SYNE3: variants seen among roughly 807,000 people sequenced by gnomAD.
SYNE3 encodes nesprin-3.
A neutral mutation model predicts 111.2 loss-of-function variants in SYNE3; 100 were observed. The observed-to-expected ratio is 0.90, with a 90% CI of 0.77 to 1.06. SYNE3 has a LOEUF of 1.06. SYNE3 is among the 50% of genes least tolerant of loss of function. The probability of loss-of-function intolerance (pLI) is 0.00; values close to 1 mark genes in which losing one functional copy is unlikely to be tolerated. For missense variants in SYNE3, 1,160 were observed against 1,240.3 expected (o/e 0.94, Z 0.97); for synonymous variants, 547 against 533.9 (o/e 1.02, Z -0.34).
In SYNE3 at chr14:95,500,602, C is replaced by T. The variant is rs1318923302; in HGVS notation, c.-15+15994G>A. ...TCCGGGGCTGAGCTCCCCATCAGAC[C>T]CAGAGAACAATGCCCCACTGTTGTG... On this transcript the variant is annotated intron_variant, in intron 1 of 17. Transcript: ENST00000682763. The surrounding 1 kb of genome is among the most constrained non-coding windows in gnomAD (Gnocchi z 4.7). Among the ~76,000 whole-genome samples the T allele has an allele frequency of 1.3e-5, 2 of 152,206 alleles. No homozygotes were observed. Among genetic ancestry groups the T allele is most frequent in the Non-Finnish European group, 2.9e-5 (2 of 68,038 alleles).
In SYNE3 at chr14:95,409,051, G is replaced by T; in HGVS notation, c.*8775C>A. 1 of 425,948 alleles carries T rather than the reference G, an allele frequency of 2.3e-6. No individual in the cohort carries two copies. The allele number at this position is 425,948 out of a possible 1,614,324, so 26.4% of individuals were successfully genotyped here. A position where few individuals can be genotyped will look rare whatever the true frequency, so the allele number is the denominator to read the frequency against. On this transcript the variant is annotated 3_prime_UTR_variant, in exon 18 of 18. Transcript: ENST00000682763. ...AAAGCAGCATGCTGCCCCTGCTTTG[G>T]AATGTTGCCCTCCAGCTAACTCACC...
Position 95,456,371 on chromosome 14 carries a change from G to A in SYNE3, c.790-647C>T, listed in dbSNP as rs1394589760. Reference sequence around the variant, plus strand: ...GAAAAGTGGGGAGCCCACGTCTCCCGATGGCAGACCTGGCGCCTGCACCAC... The same window carrying A: ...GAAAAGTGGGGAGCCCACGTCTCCCAATGGCAGACCTGGCGCCTGCACCAC... On this transcript the variant is annotated intron_variant, in intron 5 of 17. Transcript: ENST00000682763. 2.6e-5 allele frequency among the ~76,000 whole-genome samples: 4 copies of A among 152,288 alleles called. No individual in the cohort carries two copies. In the East Asian group the frequency reaches 5.8e-4, roughly 22 times the overall value.
intron 1 of SYNE3, among the ~76,000 whole-genome samples, 48 bp downstream of exon 1, chr14:95,516,534 GCCCGGCCCCCGGCC>G (rs527810309): frequency 9.1e-5 from 12 of 131,798 alleles, no homozygotes; most frequent in African/African-American, 1.7e-4. Flanking sequence ...GACCCCACCC[GCCCGGCCCCCGGCC>G]CCCGGCCCCC....
rs1307592101 is a variant in SYNE3, at chr14:95,485,331, C to A, written c.-14-9496G>T. 6.6e-6 allele frequency among the ~76,000 whole-genome samples: 1 copy of A among 152,118 alleles called. No homozygotes were observed. Among genetic ancestry groups the A allele is most frequent in the African/African-American group, 2.4e-5 (1 of 41,404 alleles). On this transcript the variant is annotated intron_variant, in intron 1 of 17. Transcript: ENST00000682763. The surrounding 1 kb of genome is among the most constrained non-coding windows in gnomAD (Gnocchi z 4.3). Reference sequence around the variant, plus strand: ...CCTCTTGGAGAAGGACAGAGTGAGGCGGGGCTGCTGGCCCCCTCCCCACAT... The same window carrying A: ...CCTCTTGGAGAAGGACAGAGTGAGGAGGGGCTGCTGGCCCCCTCCCCACAT...
intron 1 of SYNE3, among the ~76,000 whole-genome samples, chr14:95,492,739 G>A (rs1889907501): frequency 6.6e-6 from 1 of 152,158 alleles, no homozygotes. Context: ...ATTGAGGGTA[G>A]GCGAGGTGGC....
chr14:95,425,633 T>C (rs1405092658), intron 17 of SYNE3, among the ~76,000 whole-genome samples: 2 of 152,190 alleles, frequency 1.3e-5, no homozygotes, highest in Non-Finnish European at 2.9e-5. Flanking sequence ...TTCATCAGCC[T>C]TAGCAAATGG....
At position 95,452,277 on chromosome 14, in the gene SYNE3, C is replaced by T. The variant is rs763245795; in HGVS notation, c.1244G>A (p.Ser415Asn). 1.9e-6 allele frequency: 3 copies of T among 1,613,372 alleles called. No individual in the cohort carries two copies. Among genetic ancestry groups the T allele is most frequent in the Middle Eastern group, 1.6e-4 (1 of 6,076 alleles). ...ATACTCCTGGATGGTAGCGATGACA[C>T]TATCAGAGAGTGGCTTCAGGTTGTG... ...FPHNLKPLSD[S>N]VIATIQEYQS... is the part of the protein sequence containing the mutation. Residue 415 changes from serine to asparagine, a missense_variant, in exon 7 of 18, where the codon AGT becomes AAT. Ser to Asn is a conservative substitution (Grantham distance 46). Coordinates refer to ENST00000682763, the MANE Select transcript of SYNE3 (RefSeq NM_152592.6).
At chr14:95,507,603 C>T (rs544088916) in intron 1 of SYNE3, among the ~76,000 whole-genome samples, 37 of 152,284 alleles carry the variant, frequency 2.4e-4, no homozygotes, top group Middle Eastern at 3.4e-3. Context: ...GGACAAGAGA[C>T]GCCACAAGAT....
intron 16 of SYNE3, 122 bp downstream of exon 16, chr14:95,433,138 T>C (rs1885885313): frequency 7.2e-7 from 1 of 1,398,246 alleles, no homozygotes. Context: ...TGGTCACCAC[T>C]GTCTGGTGTG....
chr14:95,471,986 G>A (rs1888558750), intron 2 of SYNE3, among the ~76,000 whole-genome samples: 1 of 152,170 alleles, frequency 6.6e-6, no homozygotes, highest in Admixed American at 6.5e-5. Flanking sequence ...GGATGAACAA[G>A]CTGGTAGGAA....
chr14:95,426,968 G>A (rs1240536690), intron 17 of SYNE3, among the ~76,000 whole-genome samples: 4 of 140,132 alleles, frequency 2.9e-5, no homozygotes, highest in African/African-American at 5.2e-5. Flanking sequence ...AAAAAGAATA[G>A]TTATACTAGA....
intron 7 of SYNE3, 100 bp from the exon 8 acceptor site, chr14:95,450,205 T>G: frequency 7.2e-7 from 1 of 1,394,968 alleles, no homozygotes; most frequent in Non-Finnish European, 9.7e-7. Context: ...CAGCATGCAC[T>G]GCTCCCAGGG....
intron 1 of SYNE3, among the ~76,000 whole-genome samples, chr14:95,515,410 T>C (rs1566694621): frequency 6.6e-6 from 1 of 152,220 alleles, no homozygotes; most frequent in Non-Finnish European, 1.5e-5. Flanking sequence ...GGCTGTTGGC[T>C]GCCCTGGAAG....
chr14:95,477,307 C>T (rs58073615), intron 1 of SYNE3, among the ~76,000 whole-genome samples: 7,651 of 152,316 alleles, frequency 0.05, 283 homozygotes, highest in African/African-American at 0.11. Context: ...TCCATGGGAA[C>T]CTCAGGCCTC....
At chr14:95,420,713 C>A (rs1219057595) in intron 17 of SYNE3, among the ~76,000 whole-genome samples, 1 of 151,068 alleles carries the variant, frequency 6.6e-6, no homozygotes, top group East Asian at 1.9e-4. Flanking sequence ...CTTAGGAAAA[C>A]ACACACACAC....
intron 17 of SYNE3, among the ~76,000 whole-genome samples, chr14:95,422,591 G>T (rs540171609): frequency 3.3e-5 from 5 of 152,340 alleles, no homozygotes; most frequent in African/African-American, 1.2e-4. Flanking sequence ...CCTGGAGGGA[G>T]GAAGTCACAT....
chr14:95,498,086 T>C (rs990314868), intron 1 of SYNE3, among the ~76,000 whole-genome samples: 18 of 152,208 alleles, frequency 1.2e-4, no homozygotes, highest in African/African-American at 4.3e-4. Flanking sequence ...ATGTGTACAT[T>C]TCTAAGATTT....
At chr14:95,483,849 A>T (rs1395242205) in intron 1 of SYNE3, among the ~76,000 whole-genome samples, 1 of 152,200 alleles carries the variant, frequency 6.6e-6, no homozygotes, top group Non-Finnish European at 1.5e-5. Flanking sequence ...GCATGGTTAC[A>T]CAAGAAGTCC....
In SYNE3 at chr14:95,475,804, C is replaced by G. The variant is rs144300694; in HGVS notation, c.18G>C (p.Gln6His). 1.3e-6 allele frequency: 2 copies of G among 1,570,222 alleles called. No individual in the cohort carries two copies. The highest frequency in any genetic ancestry group is 1.7e-6 in the Non-Finnish European group (2 of 1,160,904). MTQQPQDDFDRSVEDA... is the reference protein window; with the variant it reads MTQQPHDDFDRSVEDA... ...CCTCCACGCTCCTGTCAAAGTCGTC[C>G]TGGGGCTGCTGAGTCATGGCACCTG... Residue 6 changes from glutamine (Q) to histidine (H), a missense_variant, in exon 2 of 18, where the codon CAG becomes CAC. Gln to His is a conservative substitution (Grantham distance 24). Transcript: ENST00000682763.
Sources: gnomAD v4.1 joint callset for allele counts (sites outside exome capture counted in the v4.1 genomes callset) on GRCh38, gnomAD v4.1.1 for gene constraint, Gnocchi (gnomAD v3.1) non-coding constraint, MANE v1.5 for transcripts, NCBI Gene and HGNC (gene_info 2026-07-23, HGNC 2026-07-21) for gene names.